Variants in FYCO1 observed in about 807,000 individuals in gnomAD.
FYCO1 encodes FYVE and coiled-coil domain autophagy adaptor 1, also known as FYVE and coiled-coil domain-containing protein 1.
In FYCO1, 122 loss-of-function variants were observed where a neutral mutation model predicts 165.1. The observed-to-expected ratio is 0.74, with a 90% CI of 0.64 to 0.86. The LOEUF (loss-of-function observed/expected upper bound fraction) is 0.86. Ranked by LOEUF, FYCO1 falls within the 40% of genes least tolerant of loss-of-function variation. The pLI is 0.00. For missense variants in FYCO1, 1,702 were observed against 1,810.3 expected (o/e 0.94, Z 1.09); for synonymous variants, 648 against 742.5 (o/e 0.87, Z 2.07).
In FYCO1 at chr3:45,962,240, A is replaced by T. The variant is rs1265620029; in HGVS notation, c.3422T>A (p.Leu1141Gln). 1 of 1,614,240 alleles carries T rather than the reference A, an allele frequency of 6.2e-7. No individual in the cohort carries two copies. The highest frequency in any genetic ancestry group is 1.1e-5 in the South Asian group (1 of 91,088). ...NRTKKYLEERLIELLRDKDAL... is the reference protein window; with the variant it reads ...NRTKKYLEERQIELLRDKDAL... Reference sequence around the variant, plus strand: ...CAGCACTCACCTGAGCAGCTCTATCAGCCGCTCCTCGAGATACTTCTTGGT... The same window carrying T: ...CAGCACTCACCTGAGCAGCTCTATCTGCCGCTCCTCGAGATACTTCTTGGT... The change falls in exon 11 of 18, where the codon CTG (leucine) becomes CAG (glutamine). Residue 1141 changes from leucine (L) to glutamine (Q), a missense_variant. By Grantham distance (113) the Leu-to-Gln change is moderately radical. Transcript: ENST00000296137. The surrounding 1 kb of genome is among the most constrained non-coding windows in gnomAD (Gnocchi z 4.4).
intron 14 of FYCO1, among the ~76,000 whole-genome samples, chr3:45,949,722 A>G: frequency 6.6e-6 from 1 of 152,070 alleles, no homozygotes; most frequent in Non-Finnish European, 1.5e-5. Context: ...CGCTGGGACC[A>G]TGGGGCTTTC....
At chr3:45,979,673 A>G in intron 4 of FYCO1, 32 bp downstream of exon 4, 1 of 1,612,928 alleles carries the variant, frequency 6.2e-7, no homozygotes, top group Non-Finnish European at 8.5e-7. Context: ...CAAAAGGACG[A>G]CATGAAGTTG....
rs756216367 is a variant in FYCO1 at position 45,968,023 on chromosome 3, C to T, written c.1311G>A (p.Leu437=). The change falls in exon 8 of 18, where the codon CTG becomes CTA. Residue 437 remains leucine, a synonymous_variant. Transcript: ENST00000296137. ...QLEQLVKELQ[L]KEDARASLER... is the part of the protein sequence containing the mutation. Reference sequence around the variant, plus strand: ...CCAGGCTGGCCCGGGCATCCTCTTTCAGCTGAAGCTCCTTGACCAGCTGTT... The same window carrying T: ...CCAGGCTGGCCCGGGCATCCTCTTTTAGCTGAAGCTCCTTGACCAGCTGTT... 9 of 1,614,172 alleles carry T rather than the reference C, an allele frequency of 5.6e-6. No homozygotes were observed. Among genetic ancestry groups the T allele is most frequent in the East Asian group, 4.5e-5 (2 of 44,876 alleles).
chr3:45,974,330 G>A (rs1002147669), intron 5 of FYCO1, among the ~76,000 whole-genome samples: 2 of 152,224 alleles, frequency 1.3e-5, no homozygotes, highest in Middle Eastern at 3.2e-3. Flanking sequence ...CTATGATCGT[G>A]CCACTGCACT....
intron 15 of FYCO1, 38 bp from the exon 16 acceptor site, chr3:45,931,319 G>T: frequency 6.3e-7 from 1 of 1,597,236 alleles, no homozygotes; most frequent in African/African-American, 1.3e-5. Context: ...GATTGACTGG[G>T]CAAAGTGTTT....
Position 45,967,240 on chromosome 3 carries a change from C to T in FYCO1, c.2094G>A (p.Lys698=). The T allele has an allele frequency of 6.2e-7, 1 of 1,614,158 alleles. No individual in the cohort carries two copies. The highest frequency in any genetic ancestry group is 8.5e-7 in the Non-Finnish European group (1 of 1,180,030). Residue 698 remains lysine, a synonymous_variant, in exon 8 of 18, where the codon AAG becomes AAA. Coordinates refer to ENST00000296137, the MANE Select transcript of FYCO1 (RefSeq NM_024513.4). ...CCTCCTTGCTCTGTAGAATGGCCTC[C>T]TTCTCTGCCATCTGGGCTTTCATGG... ...KEAMKAQMAE[K]EAILQSKEGE...
At chr3:45,938,101 G>T in intron 14 of FYCO1, 1 of 638,340 alleles carries the variant, frequency 1.6e-6, no homozygotes, top group Non-Finnish European at 2.5e-6. Flanking sequence ...CAATTTTCCC[G>T]CATTCAGGAT....
chr3:45,987,916 AAC>A (rs1390036145), intron 1 of FYCO1, among the ~76,000 whole-genome samples: 1 of 152,240 alleles, frequency 6.6e-6, no homozygotes, highest in Non-Finnish European at 1.5e-5. Context: ...CACAGATGGC[AAC>A]ACACTCCTTT....
At chr3:45,925,954 C>T (rs1703301215) in intron 16 of FYCO1, among the ~76,000 whole-genome samples, 1 of 152,148 alleles carries the variant, frequency 6.6e-6, no homozygotes, top group Non-Finnish European at 1.5e-5. Flanking sequence ...ACAACAATAA[C>T]AACAACAAAA....
chr3:45,954,447 G>A (rs1174961275), intron 14 of FYCO1, among the ~76,000 whole-genome samples: 3 of 152,228 alleles, frequency 2.0e-5, no homozygotes, highest in Admixed American at 1.3e-4. Flanking sequence ...GCCATACTCT[G>A]CCTTCATCAC....
intron 17 of FYCO1, among the ~76,000 whole-genome samples, chr3:45,922,230 C>T (rs1559437055): frequency 6.6e-6 from 1 of 152,244 alleles, no homozygotes; most frequent in Non-Finnish European, 1.5e-5. Flanking sequence ...GCAGCTAACT[C>T]AGTTCTGATA....
At chr3:45,970,661 G>T (rs1354802700) in intron 6 of FYCO1, among the ~76,000 whole-genome samples, 3 of 152,098 alleles carry the variant, frequency 2.0e-5, no homozygotes, top group Non-Finnish European at 4.4e-5. Flanking sequence ...GGCACTGTTA[G>T]CATAAAAGCA....
chr3:45,982,282 T>C (rs1182995717), intron 2 of FYCO1, among the ~76,000 whole-genome samples: 1 of 152,096 alleles, frequency 6.6e-6, no homozygotes, highest in Non-Finnish European at 1.5e-5. Flanking sequence ...AATTATAATA[T>C]ACATTACAGT....
At chr3:45,934,712 T>C (rs543872416) in intron 15 of FYCO1, among the ~76,000 whole-genome samples, 1 of 152,314 alleles carries the variant, frequency 6.6e-6, no homozygotes, top group South Asian at 2.1e-4. Flanking sequence ...TCAATTGATG[T>C]AGAAAAAAGA....
At chr3:45,940,458 C>T (rs1704157686) in intron 14 of FYCO1, among the ~76,000 whole-genome samples, 1 of 152,174 alleles carries the variant, frequency 6.6e-6, no homozygotes, top group Non-Finnish European at 1.5e-5. Flanking sequence ...AAAAACACCT[C>T]AAATGAGCAT....
chr3:45,967,687 C>T lies in FYCO1; in HGVS notation c.1647G>A (p.Gln549=), dbSNP rs760721005. 3 of 1,613,886 alleles carry T rather than the reference C, an allele frequency of 1.9e-6. No homozygotes were observed. Among genetic ancestry groups the T allele is most frequent in the Non-Finnish European group, 2.5e-6 (3 of 1,180,036 alleles). ...LIQDKDHLSQ[Q]VGMLERLAGP... Reference sequence around the variant, plus strand: ...CAGCAAGCCGCTCGAGCATACCCACCTGCTGGCTGAGGTGGTCTTTGTCCT... The same window carrying T: ...CAGCAAGCCGCTCGAGCATACCCACTTGCTGGCTGAGGTGGTCTTTGTCCT... Residue 549 remains glutamine (Q), a synonymous_variant, in exon 8 of 18, where the codon CAG becomes CAA. Coordinates refer to ENST00000296137, the MANE Select transcript of FYCO1 (RefSeq NM_024513.4).
chr3:45,949,233 G>A (rs1021276453), intron 14 of FYCO1, among the ~76,000 whole-genome samples: 3 of 152,154 alleles, frequency 2.0e-5, no homozygotes, highest in East Asian at 1.9e-4. Context: ...ATGGACCTCC[G>A]AGTGCTTCCT....
intron 16 of FYCO1, among the ~76,000 whole-genome samples, chr3:45,925,240 T>G (rs2125789840): frequency 6.6e-6 from 1 of 152,098 alleles, no homozygotes; most frequent in South Asian, 2.1e-4. Context: ...TACATTTTTT[T>G]TTTTTTTTAA....
chr3:45,946,622 G>A (rs749679738), intron 14 of FYCO1: 4 of 1,614,062 alleles, frequency 2.5e-6, no homozygotes, highest in Non-Finnish European at 3.4e-6. Flanking sequence ...GTGGTCTGGT[G>A]GGGAACTCTC....
Sources: allele counts gnomAD v4.1 joint callset (sites outside exome capture counted in the v4.1 genomes callset), GRCh38; gene constraint gnomAD v4.1.1; non-coding constraint Gnocchi (gnomAD v3.1); transcripts MANE v1.5; gene names NCBI Gene and HGNC (gene_info 2026-07-23, HGNC 2026-07-21).